Variants in PDGFRA observed in about 807,000 individuals in gnomAD.
PDGFRA encodes platelet derived growth factor receptor alpha.
PDGFRA carries 25 observed loss-of-function variants against 121.5 expected under a neutral mutation model. That is an observed-to-expected ratio of 0.21 (90% CI 0.15 to 0.29). The LOEUF is 0.29. Ranked by LOEUF, PDGFRA falls within the 10% of genes least tolerant of loss-of-function variation. PDGFRA has a pLI of 1.00. For synonymous variants in PDGFRA, 463 were observed against 494.8 expected, an observed-to-expected ratio of 0.94 and a Z score of 0.85; for missense variants, 1,008 against 1,345.1, an observed-to-expected ratio of 0.75 and a Z score of 3.92.
intron 8 of PDGFRA, among the ~76,000 whole-genome samples, chr4:54,271,102 C>A (rs1351354898): frequency 6.6e-6 from 1 of 152,136 alleles, no homozygotes. Context: ...TGCACCTGGC[C>A]TCCACCAGCT....
intron 5 of PDGFRA, among the ~76,000 whole-genome samples, 156 bp from the exon 6 acceptor site, chr4:54,267,133 T>C (rs1723069930): frequency 6.6e-6 from 1 of 152,134 alleles, no homozygotes; most frequent in Admixed American, 6.5e-5. Flanking sequence ...CACACATGTG[T>C]AGCCTCCCAC....
intron 16 of PDGFRA, among the ~76,000 whole-genome samples, chr4:54,282,140 G>T (rs1724111680): frequency 6.6e-6 from 1 of 152,058 alleles, no homozygotes; most frequent in Admixed American, 6.5e-5. Context: ...GTGTAAGATT[G>T]GTCCTTGTGG....
rs1723599957 is a variant in PDGFRA, at chr4:54,274,543, A to T, written c.1571A>T (p.Glu524Val). 6.2e-7 allele frequency: 1 copy of T among 1,613,288 alleles called. No individual in the cohort carries two copies. The highest frequency in any genetic ancestry group is 1.1e-5 in the South Asian group (1 of 91,066). The change falls in exon 11 of 23, where the codon GAA becomes GTA. Residue 524 changes from glutamate (E) to valine (V), a missense_variant. By Grantham distance (121) the Glu-to-Val change is moderately radical. Coordinates refer to ENST00000257290, the MANE Select transcript of PDGFRA (RefSeq NM_006206.6). ...LKLVAPTLRS[E>V]LTVAAAVLVL... ...TCTTGTCACGTAGCCCTGCGTTCTGAACTCACGGTGGCTGCTGCAGTCCTG... is the reference window on the plus strand; with the variant it reads ...TCTTGTCACGTAGCCCTGCGTTCTGTACTCACGGTGGCTGCTGCAGTCCTG...
intron 15 of PDGFRA, 145 bp from the exon 16 acceptor site, chr4:54,280,171 T>G (rs1345581104): frequency 3.1e-6 from 2 of 652,478 alleles, no homozygotes; most frequent in Non-Finnish European, 2.8e-6. Context: ...GATCACCTCA[T>G]GTGAAAGGTA....
At chr4:54,278,316 G>T (rs370873719) in intron 14 of PDGFRA, 46 bp from the exon 15 acceptor site, 1 of 1,504,048 alleles carries the variant, frequency 6.6e-7, no homozygotes. Flanking sequence ...TGGCTTTTCT[G>T]TTCTTCATTT....
chr4:54,261,916 TATATATATATATA>T (rs1560467583), intron 3 of PDGFRA, among the ~76,000 whole-genome samples: 45 of 69,792 alleles, frequency 6.4e-4, no homozygotes, highest in Non-Finnish European at 1.4e-3. Flanking sequence ...TATATATATA[TATATATATATATA>T]TATTTTTTTT....
intron 7 of PDGFRA, among the ~76,000 whole-genome samples, chr4:54,269,463 AGGACAATCAAAT>A (rs1016643366): frequency 6.6e-6 from 1 of 151,824 alleles, no homozygotes; most frequent in Non-Finnish European, 1.5e-5. Context: ...TGATTTATAA[AGGACAATCAAAT>A]GGGCACATAC....
chr4:54,292,061 A>G (rs905170416), intron 22 of PDGFRA, among the ~76,000 whole-genome samples: 5 of 152,230 alleles, frequency 3.3e-5, no homozygotes, highest in African/African-American at 4.8e-5. Context: ...CACTTTTACA[A>G]TGTTGGTTGG....
intron 1 of PDGFRA, among the ~76,000 whole-genome samples, chr4:54,242,896 G>A (rs555471209): frequency 2.5e-4 from 38 of 152,196 alleles, no homozygotes; most frequent in African/African-American, 6.0e-4. Context: ...CTCTGTTTAC[G>A]TCACATTACC....
chr4:54,261,705 C>T (rs1722727171), intron 3 of PDGFRA, among the ~76,000 whole-genome samples: 1 of 151,608 alleles, frequency 6.6e-6, no homozygotes, highest in Non-Finnish European at 1.5e-5. Flanking sequence ...AAGTTGCACA[C>T]ATACTCACAG....
At position 54,297,093 on chromosome 4, in the gene PDGFRA, A is replaced by G. The variant is rs187821520; in HGVS notation, c.*1821A>G. Reference sequence around the variant, plus strand: ...TGTAACCAGCTCAGTGTTTTGGTGGAAAAAACATTTTAAGTTTTACTGATA... The same window carrying G: ...TGTAACCAGCTCAGTGTTTTGGTGGGAAAAACATTTTAAGTTTTACTGATA... On this transcript the variant is annotated 3_prime_UTR_variant, in exon 23 of 23. Coordinates refer to ENST00000257290, the MANE Select transcript of PDGFRA (RefSeq NM_006206.6). The G allele has an allele frequency of 8.6e-6, 2 of 233,074 alleles. No homozygotes were observed. The highest frequency in any genetic ancestry group is 2.2e-5 in the African/African-American group (1 of 45,346). 14.4% of individuals were successfully genotyped at this position (233,074 alleles called of 1,614,324 possible).
intron 1 of PDGFRA, chr4:54,243,586 C>G (rs1721430610): frequency 6.6e-6 from 1 of 152,212 alleles, no homozygotes; most frequent in Non-Finnish European, 1.5e-5. Context: ...AGGTTGGAGC[C>G]AAGATGGCTG....
intron 1 of PDGFRA, among the ~76,000 whole-genome samples, chr4:54,245,037 G>A (rs1387131763): frequency 2.0e-5 from 3 of 152,134 alleles, no homozygotes; most frequent in Non-Finnish European, 2.9e-5. Flanking sequence ...AAAAAGAAAC[G>A]AACAAAGCCT....
rs1560497216 is a variant in PDGFRA, at chr4:54,296,322, C to T, written c.*1050C>T. The T allele has an allele frequency of 3.9e-5, 9 of 232,054 alleles. No individual in the cohort carries two copies. In the East Asian group the frequency reaches 4.9e-4, roughly 13 times the overall value. The allele number at this position is 232,054 out of a possible 1,614,324, so 14.4% of individuals were successfully genotyped here. A position where few individuals can be genotyped will look rare whatever the true frequency, so the allele number is the denominator to read the frequency against. On this transcript the variant is annotated 3_prime_UTR_variant, in exon 23 of 23. Coordinates refer to ENST00000257290, the MANE Select transcript of PDGFRA (RefSeq NM_006206.6). ...GAACATAACTTCTCATGTATATTAC[C>T]CAATGGAAAATATAATGATCAGCAA...
intron 1 of PDGFRA, among the ~76,000 whole-genome samples, chr4:54,235,370 T>G (rs576560776): frequency 7.9e-5 from 12 of 152,390 alleles, no homozygotes; most frequent in African/African-American, 2.4e-4. Context: ...AAGAATGTCT[T>G]GCTGTTAGTC....
intron 2 of PDGFRA, among the ~76,000 whole-genome samples, chr4:54,259,018 A>G (rs931313121): frequency 6.6e-6 from 1 of 152,222 alleles, no homozygotes; most frequent in African/African-American, 2.4e-5. Context: ...TTCAAAAGGA[A>G]TGCTCTCCAG....
chr4:54,295,514 A>G lies in PDGFRA; in HGVS notation c.*242A>G. 1 of 537,206 alleles carries G rather than the reference A, an allele frequency of 1.9e-6. No homozygotes were observed. The highest frequency in any genetic ancestry group is 3.2e-5 in the Admixed American group (1 of 31,726). The allele number at this position is 537,206 out of a possible 1,614,324, so 33.3% of individuals were successfully genotyped here. The stretch of plus-strand genomic sequence containing the variant: ...TCTCAGTGGTGTGTGAAGTTTGGAG[A>G]TAGATGGATAAGGGAATAATAGGCC... On this transcript the variant is annotated 3_prime_UTR_variant, in exon 23 of 23. Transcript: ENST00000257290.
chr4:54,251,708 C>T (rs1220791476), intron 1 of PDGFRA, among the ~76,000 whole-genome samples: 1 of 152,118 alleles, frequency 6.6e-6, no homozygotes, highest in Non-Finnish European at 1.5e-5. Context: ...CTGACAGGCC[C>T]AGGAGCCCCA....
At chr4:54,232,883 G>A (rs1720763462) in intron 1 of PDGFRA, among the ~76,000 whole-genome samples, 1 of 152,206 alleles carries the variant, frequency 6.6e-6, no homozygotes, top group African/African-American at 2.4e-5. Flanking sequence ...ACCGCGCCCG[G>A]CCAGGAACGG....
Sources: allele counts gnomAD v4.1 joint callset (sites outside exome capture counted in the v4.1 genomes callset), GRCh38; gene constraint gnomAD v4.1.1; transcripts MANE v1.5; gene names NCBI Gene and HGNC (gene_info 2026-07-23, HGNC 2026-07-21).